Variants in PCSK2 observed in about 807,000 individuals in gnomAD.
PCSK2 encodes the protein neuroendocrine convertase 2.
In PCSK2, 14 loss-of-function variants were observed where a neutral mutation model predicts 69.7. That is an observed-to-expected ratio of 0.20 (90% CI 0.13 to 0.31). The LOEUF (loss-of-function observed/expected upper bound fraction) is 0.31, where lower values mean the gene tolerates loss of function less well. PCSK2 is among the 10% of genes least tolerant of loss of function. The pLI is 1.00. For synonymous variants in PCSK2, 307 were observed against 320.7 expected (o/e 0.96, Z 0.46); for missense variants, 544 against 842.5 (o/e 0.65, Z 4.39).
chr20:17,345,945 A>T lies in PCSK2; in HGVS notation c.283-12382A>T, dbSNP rs117312900. On this transcript the variant is annotated intron_variant, in intron 2 of 11. Transcript: ENST00000262545. The stretch of plus-strand genomic sequence containing the variant: ...CTGACCCACAGGACCAAGACACATG[A>T]CCTTGATGCTATTAGCTCTTTCCAT... Among the ~76,000 whole-genome samples the T allele has an allele frequency of 1.0e-3, 156 of 152,288 alleles. 1 individual carries two copies. Among genetic ancestry groups the T allele is most frequent in the Admixed American group, 1.9e-3 (29 of 15,290 alleles).
chr20:17,335,193 T>G (rs1234177722), intron 2 of PCSK2, among the ~76,000 whole-genome samples: 2 of 151,390 alleles, frequency 1.3e-5, no homozygotes, highest in African/African-American at 4.9e-5. Context: ...CAGCGGAGAT[T>G]GGGGGGGTTG....
In PCSK2 at chr20:17,467,563, A is replaced by G. The variant is rs147929958; in HGVS notation, c.1430+2010A>G. 4.2e-3 allele frequency among the ~76,000 whole-genome samples: 633 copies of G among 152,262 alleles called. 6 individuals carry two copies. Among genetic ancestry groups the G allele is most frequent in the African/African-American group, 0.015 (615 of 41,536 alleles). On this transcript the variant is annotated intron_variant, in intron 11 of 11. Transcript: ENST00000262545. ...CAAAGTCCGAGGAGGAGCTAATGCC[A>G]CTCTGCTTTGTGGCCTGCATTCATA...
intron 2 of PCSK2, among the ~76,000 whole-genome samples, chr20:17,338,173 G>GT (rs201740005): frequency 2.1e-5 from 3 of 140,986 alleles, no homozygotes; most frequent in Non-Finnish European, 4.6e-5. Flanking sequence ...ATTTTTTTTG[G>GT]GGGGGGGGGT....
intron 2 of PCSK2, among the ~76,000 whole-genome samples, chr20:17,324,710 C>T (rs1989987557): frequency 6.6e-6 from 1 of 152,096 alleles, no homozygotes. Context: ...CCCTCCTGGC[C>T]CTCCCGAAAG....
chr20:17,473,913 T>G (rs1487766311), intron 11 of PCSK2, among the ~76,000 whole-genome samples: 2 of 152,208 alleles, frequency 1.3e-5, no homozygotes, highest in Admixed American at 6.5e-5. Flanking sequence ...GCAGTTCACA[T>G]GGCAGGGCAG....
intron 2 of PCSK2, among the ~76,000 whole-genome samples, chr20:17,349,568 A>G (rs1340826474): frequency 2.0e-5 from 3 of 151,538 alleles, no homozygotes; most frequent in African/African-American, 7.3e-5. Context: ...CCCAGAGGTA[A>G]CTTCTATCTT....
intron 2 of PCSK2, among the ~76,000 whole-genome samples, chr20:17,287,457 GTGTGTGTT>G (rs1988555177): frequency 6.7e-6 from 1 of 150,348 alleles, no homozygotes; most frequent in Non-Finnish European, 1.5e-5. Flanking sequence ...GTGTGTGTGT[GTGTGTGTT>G]AAAATGGGGA....
chr20:17,362,411 G>A (rs1365116935), intron 4 of PCSK2, among the ~76,000 whole-genome samples: 1 of 152,204 alleles, frequency 6.6e-6, no homozygotes, highest in Admixed American at 6.5e-5. Flanking sequence ...CGGTTCTGTG[G>A]GTTGCTGGAG....
chr20:17,474,301 C>T (rs1195034961), intron 11 of PCSK2, among the ~76,000 whole-genome samples: 2 of 152,174 alleles, frequency 1.3e-5, no homozygotes, highest in African/African-American at 4.8e-5. Flanking sequence ...TGTGTGGTGG[C>T]GTTGATGCTC....
chr20:17,392,775 G>A (rs971821908), intron 5 of PCSK2, among the ~76,000 whole-genome samples: 14 of 152,002 alleles, frequency 9.2e-5, no homozygotes, highest in Admixed American at 2.0e-4. Flanking sequence ...TTATTGTTGC[G>A]TAGCATTCCC....
chr20:17,442,008 T>C (rs1180080131), intron 8 of PCSK2, among the ~76,000 whole-genome samples: 1 of 140,848 alleles, frequency 7.1e-6, no homozygotes, highest in African/African-American at 2.5e-5. Flanking sequence ...GGTGTCCTTA[T>C]TTAAAAGACA....
chr20:17,420,082 A>G (rs2032088829), intron 6 of PCSK2, among the ~76,000 whole-genome samples: 1 of 152,224 alleles, frequency 6.6e-6, no homozygotes, highest in Admixed American at 6.5e-5. Flanking sequence ...AATGTGATTG[A>G]TAGCATTAGT....
chr20:17,337,005 T>A (rs776862054), intron 2 of PCSK2, among the ~76,000 whole-genome samples: 3 of 152,154 alleles, frequency 2.0e-5, no homozygotes, highest in African/African-American at 7.2e-5. Context: ...ATAGAGGACA[T>A]CCAAGAAACC....
At chr20:17,261,080 C>T (rs1316710924) in intron 2 of PCSK2, among the ~76,000 whole-genome samples, 1 of 152,140 alleles carries the variant, frequency 6.6e-6, no homozygotes, top group African/African-American at 2.4e-5. Flanking sequence ...CACTTCTTGC[C>T]TTTCAGAATA....
chr20:17,348,988 T>C (rs1477863598), intron 2 of PCSK2, among the ~76,000 whole-genome samples: 1 of 152,208 alleles, frequency 6.6e-6, no homozygotes, highest in Non-Finnish European at 1.5e-5. Context: ...ACCAGCCACT[T>C]GGTGTCTTCA....
intron 1 of PCSK2, among the ~76,000 whole-genome samples, chr20:17,232,482 T>C (rs1327700391): frequency 1.3e-5 from 2 of 152,258 alleles, no homozygotes; most frequent in Non-Finnish European, 2.9e-5. Context: ...TATCCTCTTT[T>C]AAACACATTT....
chr20:17,383,297 T>C (rs1321864754), intron 5 of PCSK2, among the ~76,000 whole-genome samples: 1 of 152,222 alleles, frequency 6.6e-6, no homozygotes, highest in African/African-American at 2.4e-5. Flanking sequence ...AACACCAGCA[T>C]TTTGTTATGA....
At chr20:17,472,796 A>T (rs944491200) in intron 11 of PCSK2, among the ~76,000 whole-genome samples, 2 of 152,128 alleles carry the variant, frequency 1.3e-5, no homozygotes, top group African/African-American at 4.8e-5. Flanking sequence ...CGAGCTCCTG[A>T]CCTCAGGTGA....
intron 1 of PCSK2, among the ~76,000 whole-genome samples, chr20:17,239,658 C>T (rs1600400121): frequency 2.0e-5 from 3 of 151,818 alleles, no homozygotes; most frequent in Admixed American, 6.6e-5. Context: ...ACCACAGGGA[C>T]GTATAGAAGG....
Sources: gnomAD v4.1 joint callset for allele counts (sites outside exome capture counted in the v4.1 genomes callset) on GRCh38, gnomAD v4.1.1 for gene constraint, MANE v1.5 for transcripts, NCBI Gene and HGNC (gene_info 2026-07-23, HGNC 2026-07-21) for gene names.